The following PPARGC1A variants were observed in gnomAD, a reference collection of about 807,000 sequenced individuals.
The protein encoded by PPARGC1A is peroxisome proliferator-activated receptor gamma coactivator 1-alpha.
A neutral mutation model predicts 88.7 loss-of-function variants in PPARGC1A; 25 were observed. That is an observed-to-expected ratio of 0.28 (90% CI 0.21 to 0.39). PPARGC1A has a LOEUF of 0.39. Among genes scored for constraint, PPARGC1A ranks in the 10% least tolerant of loss-of-function variants. The pLI is 1.00. For missense variants in PPARGC1A, 880 were observed against 968.7 expected (o/e 0.91, Z 1.22); for synonymous variants, 363 against 355.6 (o/e 1.02, Z -0.24).
At chr4:24,179,316 G>C in the PPARGC1A span, among the ~76,000 whole-genome samples, 1 of 152,130 alleles carries the variant, frequency 6.6e-6, no homozygotes, top group African/African-American at 2.4e-5. Flanking sequence ...CTCCCTTGCA[G>C]CAAGTCCCCT....
rs892567076 is a variant in PPARGC1A at position 23,876,175 on chromosome 4, C to A, written c.234+8577G>T. Among the ~76,000 whole-genome samples the A allele has an allele frequency of 3.6e-4, 55 of 152,170 alleles. 1 individual carries two copies. The highest frequency in any genetic ancestry group is 2.5e-4 in the Non-Finnish European group (17 of 68,026). On this transcript the variant is annotated intron_variant, in intron 2 of 12. Transcript: ENST00000264867. ...CATAATAACATACTGCAATCATTTGCATAATAGCATTTTAATCTTTTTAGT... is the reference window on the plus strand; with the variant it reads ...CATAATAACATACTGCAATCATTTGAATAATAGCATTTTAATCTTTTTAGT...
At chr4:24,263,447 G>A in the PPARGC1A span, among the ~76,000 whole-genome samples, 1 of 82,080 alleles carries the variant, frequency 1.2e-5, no homozygotes, top group Non-Finnish European at 2.3e-5. Context: ...ATACACACAT[G>A]TGGGTGTATA....
At chr4:23,873,311 T>C (rs1415644825) in intron 2 of PPARGC1A, among the ~76,000 whole-genome samples, 2 of 152,108 alleles carry the variant, frequency 1.3e-5, no homozygotes, top group Non-Finnish European at 2.9e-5. Context: ...TATTGCATAG[T>C]GCTTTAGAGA....
rs957058022 is a variant in PPARGC1A, at chr4:23,794,117, A to T, written c.*1705T>A. ...CATTAATTATTGTAAAAATCATACT[A>T]TAATTATTACCTCAGCATTTTGTAT... On this transcript the variant is annotated 3_prime_UTR_variant, in exon 13 of 13. Coordinates refer to ENST00000264867, the MANE Select transcript of PPARGC1A (RefSeq NM_013261.5). The T allele has an allele frequency of 1.3e-5, 2 of 152,604 alleles. No individual in the cohort carries two copies. The highest frequency in any genetic ancestry group is 2.4e-5 in the African/African-American group (1 of 41,462). 9.5% of individuals were successfully genotyped at this position (152,604 alleles called of 1,614,324 possible).
the PPARGC1A span, among the ~76,000 whole-genome samples, chr4:24,421,415 C>T: frequency 1.3e-5 from 2 of 151,642 alleles, no homozygotes; most frequent in East Asian, 3.9e-4. Flanking sequence ...GGTTCACGCC[C>T]TTCTCCTGCC....
chr4:24,458,672 C>T, the PPARGC1A span, among the ~76,000 whole-genome samples: 4 of 151,878 alleles, frequency 2.6e-5, no homozygotes, highest in Non-Finnish European at 2.9e-5. Flanking sequence ...TGGGTATTAC[C>T]CTAAAGAAAT....
the PPARGC1A span, among the ~76,000 whole-genome samples, chr4:24,307,432 A>C: frequency 1.1e-4 from 16 of 152,338 alleles, no homozygotes; most frequent in East Asian, 3.1e-3. Context: ...ACTTTTGTAC[A>C]TATTTGTGTG....
chr4:24,015,726 G>A, the PPARGC1A span, among the ~76,000 whole-genome samples: 1 of 152,178 alleles, frequency 6.6e-6, no homozygotes, highest in Non-Finnish European at 1.5e-5. Context: ...TCTGGTAGAT[G>A]TGTTAAGTTG....
At chr4:24,347,684 G>T in the PPARGC1A span, among the ~76,000 whole-genome samples, 1 of 152,168 alleles carries the variant, frequency 6.6e-6, no homozygotes, top group Non-Finnish European at 1.5e-5. Context: ...ACAGCAGATA[G>T]TTGGTTGATG....
rs191813477 is a variant in PPARGC1A at position 23,802,479 on chromosome 4, A to G, written c.2020-134T>C. ...TGGATCATGAGGTCAGGAGTTCAAT[A>G]CCAGCCTGGGCAAGATGGTGAAACC... On this transcript the variant is annotated intron_variant, in intron 10 of 12. Coordinates refer to ENST00000264867, the MANE Select transcript of PPARGC1A (RefSeq NM_013261.5). The G allele has an allele frequency of 2.8e-4, 308 of 1,109,946 alleles. No individual in the cohort carries two copies. The East Asian group carries it at 7.1e-3, about 26-fold the overall frequency. 68.8% of individuals were successfully genotyped at this position (1,109,946 alleles called of 1,614,324 possible). A position where few individuals can be genotyped will look rare whatever the true frequency, so the allele number is the denominator to read the frequency against.
the PPARGC1A span, among the ~76,000 whole-genome samples, chr4:24,088,452 G>A: frequency 4.8e-3 from 728 of 152,266 alleles, 1 homozygote; most frequent in Non-Finnish European, 8.1e-3. Flanking sequence ...AATATACTCT[G>A]AGAAGCAGCC....
the PPARGC1A span, among the ~76,000 whole-genome samples, chr4:24,351,906 T>C: frequency 6.6e-5 from 10 of 152,030 alleles, no homozygotes; most frequent in Non-Finnish European, 1.3e-4. Flanking sequence ...TTTATTTCAG[T>C]AAGAATTTTA....
the PPARGC1A span, chr4:24,091,527 T>C: frequency 3.0e-6 from 3 of 984,982 alleles, no homozygotes; most frequent in East Asian, 1.1e-4. Flanking sequence ...CTTGGGGAGG[T>C]CTCATCCATT....
At chr4:24,371,817 G>T in the PPARGC1A span, among the ~76,000 whole-genome samples, 1 of 151,850 alleles carries the variant, frequency 6.6e-6, no homozygotes, top group African/African-American at 2.4e-5. Flanking sequence ...CAGGCATGGT[G>T]GTGCGTGCCT....
At chr4:23,848,731 A>G (rs982589888) in intron 2 of PPARGC1A, among the ~76,000 whole-genome samples, 1 of 152,118 alleles carries the variant, frequency 6.6e-6, no homozygotes, top group African/African-American at 2.4e-5. Context: ...CCCATTGTGA[A>G]TATTTCCAAA....
the PPARGC1A span, among the ~76,000 whole-genome samples, chr4:23,974,980 A>T: frequency 0.54 from 81,736 of 150,930 alleles, 22,676 homozygotes; most frequent in East Asian, 0.76. Context: ...TTTAGATAAT[A>T]TTGTTCAAAG....
the PPARGC1A span, among the ~76,000 whole-genome samples, chr4:24,037,589 T>C: frequency 6.6e-6 from 1 of 152,210 alleles, no homozygotes; most frequent in East Asian, 1.9e-4. Context: ...TCTCTATTAA[T>C]AGCAGAGAAA....
At chr4:24,148,676 T>A in the PPARGC1A span, among the ~76,000 whole-genome samples, 1 of 152,200 alleles carries the variant, frequency 6.6e-6, no homozygotes, top group Non-Finnish European at 1.5e-5. Flanking sequence ...CTGGGTAGGT[T>A]CAGGGTCAGA....
chr4:24,295,180 T>C, the PPARGC1A span, among the ~76,000 whole-genome samples: 8 of 152,336 alleles, frequency 5.3e-5, no homozygotes, highest in African/African-American at 9.6e-5. Context: ...CACGAGATGT[T>C]TTTGTGTGTT....
Sources: gnomAD v4.1 joint callset for allele counts (sites outside exome capture counted in the v4.1 genomes callset) on GRCh38, gnomAD v4.1.1 for gene constraint, MANE v1.5 for transcripts, NCBI Gene and HGNC (gene_info 2026-07-23, HGNC 2026-07-21) for gene names.